EFCAB11: variants seen among roughly 807,000 people sequenced by gnomAD.
EFCAB11 encodes the protein EF-hand calcium binding domain 11, also known as EF-hand calcium-binding domain-containing protein 11.
In EFCAB11, 14 loss-of-function variants were observed where a neutral mutation model predicts 23.0. The observed-to-expected ratio is 0.61, with a 90% CI of 0.40 to 0.95. EFCAB11 has a LOEUF of 0.95. EFCAB11 is among the 40% of genes least tolerant of loss of function. The pLI is 0.00. For synonymous variants in EFCAB11, 65 were observed against 66.6 expected (o/e 0.98, Z 0.11); for missense variants, 198 against 195.8 (o/e 1.01, Z -0.07).
intron 5 of EFCAB11, 195 bp downstream of exon 5, chr14:89,931,346 C>CA (rs1890382212): frequency 7.3e-6 from 4 of 546,204 alleles, no homozygotes; most frequent in Non-Finnish European, 1.3e-5. Context: ...CCCAACTTTA[C>CA]AGTTCACTGT....
Position 89,855,709 on chromosome 14 carries a change from CT to C in EFCAB11, c.411-58386del, listed in dbSNP as rs374477677. 2.6e-3 allele frequency among the ~76,000 whole-genome samples: 392 copies of C among 152,218 alleles called. 3 individuals carry two copies. Among genetic ancestry groups the C allele is most frequent in the African/African-American group, 8.9e-3 (370 of 41,526 alleles). On this transcript the variant is annotated intron_variant, in intron 5 of 5. Transcript: ENST00000316738. ...ATTACCTGTAGTGCTCATGTTGTACCTTAGGCCTCTAGGCTTGTTCTTCCTA... is the reference window on the plus strand; with the variant it reads ...ATTACCTGTAGTGCTCATGTTGTACCTAGGCCTCTAGGCTTGTTCTTCCTA...
intron 5 of EFCAB11, among the ~76,000 whole-genome samples, chr14:89,880,796 A>G (rs979074512): frequency 1.1e-4 from 17 of 152,292 alleles, no homozygotes; most frequent in African/African-American, 2.2e-4. Flanking sequence ...AATTAAACTA[A>G]TATTACTTGT....
chr14:89,940,751 C>A (rs1890762140), intron 3 of EFCAB11, among the ~76,000 whole-genome samples: 1 of 151,932 alleles, frequency 6.6e-6, no homozygotes, highest in Non-Finnish European at 1.5e-5. Flanking sequence ...TTCTGAAGTC[C>A]TTTTTTCTGG....
intron 5 of EFCAB11, among the ~76,000 whole-genome samples, chr14:89,824,772 TCATAA>T (rs1886635819): frequency 6.6e-6 from 1 of 152,130 alleles, no homozygotes; most frequent in African/African-American, 2.4e-5. Flanking sequence ...AAGAGACATT[TCATAA>T]TTATAGCAGG....
intron 5 of EFCAB11, chr14:89,892,004 G>A (rs924439153): frequency 8.2e-5 from 124 of 1,514,860 alleles, no homozygotes; most frequent in Non-Finnish European, 1.1e-4. Flanking sequence ...GGACACCGCG[G>A]GCCACGAGCG....
At chr14:89,825,389 A>G (rs539555703) in intron 5 of EFCAB11, among the ~76,000 whole-genome samples, 8 of 152,266 alleles carry the variant, frequency 5.3e-5, no homozygotes, top group African/African-American at 1.9e-4. Context: ...ATTTGAAAAG[A>G]CTAAAATCAA....
At chr14:89,929,992 T>A (rs1890335455) in intron 5 of EFCAB11, among the ~76,000 whole-genome samples, 1 of 152,238 alleles carries the variant, frequency 6.6e-6, no homozygotes, top group Non-Finnish European at 1.5e-5. Flanking sequence ...GAGTATCAAT[T>A]TTTAGTTCCT....
At chr14:89,802,207 TAA>T (rs35720736) in intron 5 of EFCAB11, among the ~76,000 whole-genome samples, 5,065 of 136,066 alleles carry the variant, frequency 0.037, 209 homozygotes, top group African/African-American at 0.1. Flanking sequence ...CCAAGTTACT[TAA>T]AAAAAAAAAA....
At chr14:89,834,001 A>C (rs1253261795) in intron 5 of EFCAB11, among the ~76,000 whole-genome samples, 1 of 152,148 alleles carries the variant, frequency 6.6e-6, no homozygotes, top group Non-Finnish European at 1.5e-5. Context: ...TTTTCCCCTC[A>C]GTGGACTCCA....
At chr14:89,818,121 A>ACATTTTCATC (rs1306423397) in intron 5 of EFCAB11, among the ~76,000 whole-genome samples, 1 of 152,224 alleles carries the variant, frequency 6.6e-6, no homozygotes, top group African/African-American at 2.4e-5. Flanking sequence ...GACATCTACA[A>ACATTTTCATC]TACATGAAAA....
intron 5 of EFCAB11, chr14:89,830,750 G>A (rs527492095): frequency 7.2e-5 from 11 of 152,276 alleles, no homozygotes; most frequent in Admixed American, 2.0e-4. Flanking sequence ...GCTTACAGAG[G>A]TCACCTAATG....
chr14:89,823,712 T>C (rs1276482334), intron 5 of EFCAB11, among the ~76,000 whole-genome samples: 1 of 152,102 alleles, frequency 6.6e-6, no homozygotes, highest in Non-Finnish European at 1.5e-5. Context: ...AAGGAAGGCA[T>C]GGATATAGTA....
chr14:89,877,608 C>T (rs891101789), intron 5 of EFCAB11, among the ~76,000 whole-genome samples: 2 of 152,178 alleles, frequency 1.3e-5, no homozygotes, highest in Non-Finnish European at 2.9e-5. Flanking sequence ...CACAGTTTAA[C>T]AGGCAGAACT....
chr14:89,858,307 G>A (rs1887817096), intron 5 of EFCAB11, among the ~76,000 whole-genome samples: 2 of 152,168 alleles, frequency 1.3e-5, no homozygotes, highest in Admixed American at 1.3e-4. Flanking sequence ...TACCTTGACT[G>A]TAACTTCGTG....
intron 5 of EFCAB11, among the ~76,000 whole-genome samples, chr14:89,846,674 C>T (rs987145067): frequency 6.6e-6 from 1 of 152,186 alleles, no homozygotes; most frequent in African/African-American, 2.4e-5. Context: ...AACTTCTCTT[C>T]AGCATCTTTG....
chr14:89,838,139 A>C (rs1220459628), intron 5 of EFCAB11, among the ~76,000 whole-genome samples: 1 of 152,170 alleles, frequency 6.6e-6, no homozygotes, highest in Non-Finnish European at 1.5e-5. Flanking sequence ...AAAATTACAA[A>C]AGGATATGCA....
chr14:89,892,143 C>T (rs1888991175), intron 5 of EFCAB11: 13 of 1,558,998 alleles, frequency 8.3e-6, no homozygotes, highest in Admixed American at 3.9e-5. Context: ...ACTCAGGGCC[C>T]GGACAAGGTC....
chr14:89,950,164 T>C (rs1021258408), intron 2 of EFCAB11, 22 bp from the exon 3 acceptor site: 3 of 1,546,964 alleles, frequency 1.9e-6, no homozygotes, highest in Admixed American at 1.8e-5. Context: ...GAAAAAATAA[T>C]AGAACATGTA....
At chr14:89,878,185 A>T (rs1342883605) in intron 5 of EFCAB11, among the ~76,000 whole-genome samples, 1 of 152,200 alleles carries the variant, frequency 6.6e-6, no homozygotes, top group Non-Finnish European at 1.5e-5. Flanking sequence ...CAATGTTTTG[A>T]GACAATAATC....
Sources: gnomAD v4.1 joint callset for allele counts (sites outside exome capture counted in the v4.1 genomes callset) on GRCh38, gnomAD v4.1.1 for gene constraint, MANE v1.5 for transcripts, NCBI Gene and HGNC (gene_info 2026-07-23, HGNC 2026-07-21) for gene names.